The following TMEM65 variants were observed in gnomAD, a reference collection of about 807,000 sequenced individuals.
TMEM65 encodes the protein transmembrane protein 65.
TMEM65 carries 22 observed loss-of-function variants against 25.4 expected under a neutral mutation model. The ratio of observed to expected loss-of-function variants is 0.86; its 90% CI spans 0.62 to 1.23. The LOEUF (loss-of-function observed/expected upper bound fraction) is 1.23, where lower values mean the gene tolerates loss of function less well. Ranked by LOEUF, TMEM65 falls within the 50% of genes most tolerant of loss-of-function variation. The pLI is 0.00. For synonymous variants in TMEM65, 132 were observed against 126.2 expected, an observed-to-expected ratio of 1.05 and a Z score of -0.31; for missense variants, 262 against 308.2, an observed-to-expected ratio of 0.85 and a Z score of 1.12.
intron 1 of TMEM65, 47 bp from the exon 2 acceptor site, chr8:124,330,839 G>T: frequency 6.7e-7 from 1 of 1,498,992 alleles, no homozygotes; most frequent in Non-Finnish European, 9.0e-7. Context: ...TTACTACAGC[G>T]TGATATTTTT....
At chr8:124,327,015 A>G (rs1419349326) in intron 3 of TMEM65, among the ~76,000 whole-genome samples, 1 of 152,070 alleles carries the variant, frequency 6.6e-6, no homozygotes, top group Non-Finnish European at 1.5e-5. Context: ...TATATATGTG[A>G]TAATTGCCAA....
At chr8:124,371,439 G>T (rs1309050483) in intron 1 of TMEM65, among the ~76,000 whole-genome samples, 2 of 152,170 alleles carry the variant, frequency 1.3e-5, no homozygotes, top group African/African-American at 4.8e-5. Context: ...GCACTTTCTC[G>T]GAGCAGGCAC....
intron 1 of TMEM65, among the ~76,000 whole-genome samples, chr8:124,364,531 A>C (rs961297843): frequency 6.6e-6 from 1 of 152,112 alleles, no homozygotes; most frequent in Non-Finnish European, 1.5e-5. Flanking sequence ...AAAATATAGT[A>C]TATAAGGACT....
chr8:124,369,279 T>G (rs1814979928), intron 1 of TMEM65, among the ~76,000 whole-genome samples: 1 of 152,250 alleles, frequency 6.6e-6, no homozygotes, highest in African/African-American at 2.4e-5. Context: ...AGGTCTGCCT[T>G]ATCTATTACG....
At chr8:124,341,937 T>A (rs1814587886) in intron 1 of TMEM65, among the ~76,000 whole-genome samples, 1 of 151,972 alleles carries the variant, frequency 6.6e-6, no homozygotes, top group Non-Finnish European at 1.5e-5. Context: ...TTAAACTAAC[T>A]GGGCTTATTT....
chr8:124,359,452 T>A, intron 1 of TMEM65, among the ~76,000 whole-genome samples: 1 of 152,214 alleles, frequency 6.6e-6, no homozygotes, highest in East Asian at 1.9e-4. Context: ...ACATTTTTAC[T>A]GCCTCTTTTT....
intron 1 of TMEM65, among the ~76,000 whole-genome samples, chr8:124,365,256 A>G (rs747298238): frequency 5.9e-5 from 9 of 152,356 alleles, no homozygotes; most frequent in Middle Eastern, 6.8e-3. Flanking sequence ...CCTGGAAGCC[A>G]TATTTCCCAA....
intron 1 of TMEM65, among the ~76,000 whole-genome samples, chr8:124,354,427 C>A (rs755107017): frequency 6.6e-6 from 1 of 152,138 alleles, no homozygotes; most frequent in African/African-American, 2.4e-5. Flanking sequence ...ACAGTACTCC[C>A]GTTGCAGTGG....
At position 124,308,431 on chromosome 8, in the gene TMEM65, G is replaced by T. The variant is rs1409485928; in HGVS notation, c.*5529C>A. On this transcript the variant is annotated 3_prime_UTR_variant, in exon 7 of 7. Coordinates refer to ENST00000297632, the MANE Select transcript of TMEM65 (RefSeq NM_194291.3). The stretch of plus-strand genomic sequence containing the variant: ...AGTCTGGAAGGATTCCACCACTGAT[G>T]ATGCCATTGTTGCTACAGAAGACAT... 1.3e-5 allele frequency: 2 copies of T among 152,186 alleles called. No individual in the cohort carries two copies. The highest frequency in any genetic ancestry group is 2.9e-5 in the Non-Finnish European group (2 of 68,044). 9.4% of individuals were successfully genotyped at this position (152,186 alleles called of 1,614,324 possible). A position where few individuals can be genotyped will look rare whatever the true frequency, so the allele number is the denominator to read the frequency against.
intron 1 of TMEM65, among the ~76,000 whole-genome samples, chr8:124,350,477 T>A (rs868385543): frequency 0.013 from 1,883 of 146,834 alleles, 44 homozygotes; most frequent in African/African-American, 0.045. Flanking sequence ...TCTCTCTCTC[T>A]CACACACACA....
chr8:124,323,430 G>T, intron 3 of TMEM65, 55 bp from the exon 4 acceptor site: 1 of 975,828 alleles, frequency 1.0e-6, no homozygotes, highest in Non-Finnish European at 1.5e-6. Flanking sequence ...GACTATAAAA[G>T]AATAGCAAAG....
At position 124,307,976 on chromosome 8, in the gene TMEM65, A is replaced by T. The variant is rs937031556; in HGVS notation, c.*5984T>A. 5.9e-5 allele frequency: 9 copies of T among 152,172 alleles called. No homozygotes were observed. The highest frequency in any genetic ancestry group is 2.2e-4 in the African/African-American group (9 of 41,418). 9.4% of individuals were successfully genotyped at this position (152,172 alleles called of 1,614,324 possible). On this transcript the variant is annotated 3_prime_UTR_variant, in exon 7 of 7. Transcript: ENST00000297632. Reference sequence around the variant, plus strand: ...AGGCTAATGCTATGGGTTTTTGCAAATGCTGTTGGGTTTATGATCAAGACT... The same window carrying T: ...AGGCTAATGCTATGGGTTTTTGCAATTGCTGTTGGGTTTATGATCAAGACT...
chr8:124,368,837 G>A (rs886456731), intron 1 of TMEM65, among the ~76,000 whole-genome samples: 2 of 152,210 alleles, frequency 1.3e-5, no homozygotes, highest in Non-Finnish European at 2.9e-5. Context: ...TAGCATTCCT[G>A]AGCCTCAGAA....
At chr8:124,327,021 G>A (rs1814373341) in intron 3 of TMEM65, among the ~76,000 whole-genome samples, 1 of 151,876 alleles carries the variant, frequency 6.6e-6, no homozygotes, top group Non-Finnish European at 1.5e-5. Flanking sequence ...TGTGATAATT[G>A]CCAACACCAT....
Position 124,307,212 on chromosome 8 carries a change from T to C in TMEM65, c.*6748A>G, listed in dbSNP as rs1465772260. 3 of 152,194 alleles carry C rather than the reference T, an allele frequency of 2.0e-5. No individual in the cohort carries two copies. Among genetic ancestry groups the C allele is most frequent in the Non-Finnish European group, 4.4e-5 (3 of 68,042 alleles). 9.4% of individuals were successfully genotyped at this position (152,194 alleles called of 1,614,324 possible). ...CAGTTCATCTCTCCAGTAAATTGTGTATCGTAGTAAAAAGTGATCTCTCAT... is the reference window on the plus strand; with the variant it reads ...CAGTTCATCTCTCCAGTAAATTGTGCATCGTAGTAAAAAGTGATCTCTCAT... On this transcript the variant is annotated 3_prime_UTR_variant, in exon 7 of 7. Coordinates refer to ENST00000297632, the MANE Select transcript of TMEM65 (RefSeq NM_194291.3).
chr8:124,314,204 A>C (rs747355945), intron 6 of TMEM65, 143 bp from the exon 7 acceptor site: 4 of 663,170 alleles, frequency 6.0e-6, no homozygotes, highest in Non-Finnish European at 1.1e-5. Context: ...ATCCCTGTGT[A>C]TACCTAATTA....
chr8:124,318,613 T>C lies in TMEM65; in HGVS notation c.621+1473A>G, dbSNP rs551881730. On this transcript the variant is annotated intron_variant, in intron 6 of 6. Coordinates refer to ENST00000297632, the MANE Select transcript of TMEM65 (RefSeq NM_194291.3). ...CTGGTCTCAAACTCCTGACCTCAGG[T>C]GATCCACCCGCCTCGGCCTCCCAAA... 5.9e-5 allele frequency among the ~76,000 whole-genome samples: 9 copies of C among 152,116 alleles called. No homozygotes were observed. In the South Asian group the frequency reaches 1.9e-3, roughly 32 times the overall value.
rs938295100 is a variant in TMEM65, at chr8:124,307,770, A to G, written c.*6190T>C. 6.6e-6 allele frequency: 1 copy of G among 152,208 alleles called. No homozygotes were observed. Among genetic ancestry groups the G allele is most frequent in the African/African-American group, 2.4e-5 (1 of 41,450 alleles). 9.4% of individuals were successfully genotyped at this position (152,208 alleles called of 1,614,324 possible). A position where few individuals can be genotyped will look rare whatever the true frequency, so the allele number is the denominator to read the frequency against. On this transcript the variant is annotated 3_prime_UTR_variant, in exon 7 of 7. Transcript: ENST00000297632. ...CAGAAGAGGCAGCTCCTGATGACCA[A>G]GAGGCAGCAAATGAGTTCCCAGATG...
intron 1 of TMEM65, among the ~76,000 whole-genome samples, chr8:124,370,166 C>A (rs1814993950): frequency 6.6e-6 from 1 of 151,940 alleles, no homozygotes; most frequent in Admixed American, 6.5e-5. Flanking sequence ...ATTGCTACTG[C>A]AATACTGCTG....
Sources: allele counts gnomAD v4.1 joint callset (sites outside exome capture counted in the v4.1 genomes callset), GRCh38; gene constraint gnomAD v4.1.1; transcripts MANE v1.5; gene names NCBI Gene and HGNC (gene_info 2026-07-23, HGNC 2026-07-21).